The following CNTLN variants were observed in gnomAD, a reference collection of about 807,000 sequenced individuals.
The protein encoded by CNTLN is centlein, centrosomal protein.
A neutral mutation model predicts 180.0 loss-of-function variants in CNTLN; 212 were observed. The observed-to-expected ratio is 1.18, with a 90% CI of 1.05 to 1.32. The LOEUF (loss-of-function observed/expected upper bound fraction) is 1.32. Ranked by LOEUF, CNTLN falls within the 40% of genes most tolerant of loss-of-function variation. The pLI is 0.00. For missense variants in CNTLN, 2,095 were observed against 1,610.9 expected (o/e 1.30, Z -5.14); for synonymous variants, 722 against 563.1 (o/e 1.28, Z -3.99).
At chr9:17,499,823 C>A (rs1212870078) in intron 25 of CNTLN, among the ~76,000 whole-genome samples, 1 of 151,970 alleles carries the variant, frequency 6.6e-6, no homozygotes, top group Non-Finnish European at 1.5e-5. Context: ...TTTTGGAAGA[C>A]CTCTTTGAAA....
At chr9:17,184,085 A>C (rs1233973361) in intron 2 of CNTLN, among the ~76,000 whole-genome samples, 3 of 152,150 alleles carry the variant, frequency 2.0e-5, no homozygotes, top group Non-Finnish European at 4.4e-5. Flanking sequence ...ATAATCTGAA[A>C]TGTTCATCCC....
At chr9:17,328,630 C>T (rs983672894) in intron 8 of CNTLN, among the ~76,000 whole-genome samples, 1 of 152,136 alleles carries the variant, frequency 6.6e-6, no homozygotes, top group Non-Finnish European at 1.5e-5. Context: ...ACAAACCAGA[C>T]TTAAAGAAAA....
At chr9:17,391,909 G>C (rs1278402955) in intron 14 of CNTLN, among the ~76,000 whole-genome samples, 1 of 152,042 alleles carries the variant, frequency 6.6e-6, no homozygotes. Context: ...TCACAGATGA[G>C]GAAACTAAAG....
chr9:17,428,027 T>A (rs1829200013), intron 18 of CNTLN, among the ~76,000 whole-genome samples: 1 of 152,066 alleles, frequency 6.6e-6, no homozygotes, highest in South Asian at 2.1e-4. Context: ...AGTAAAATAA[T>A]TAAAGATTAC....
At position 17,502,610 on chromosome 9, in the gene CNTLN, A is replaced by G; in HGVS notation, c.4179A>G (p.Lys1393=). The G allele has an allele frequency of 4.3e-6, 6 of 1,405,148 alleles. No individual in the cohort carries two copies. The highest frequency in any genetic ancestry group is 5.9e-6 in the Non-Finnish European group (6 of 1,025,578). The allele number at this position is 1,405,148 out of a possible 1,614,324, so 87.0% of individuals were successfully genotyped here. A position where few individuals can be genotyped will look rare whatever the true frequency, so the allele number is the denominator to read the frequency against. Residue 1393 remains lysine, a synonymous_variant, in exon 26 of 26, where the codon AAA becomes AAG. Coordinates refer to ENST00000380647, the MANE Select transcript of CNTLN (RefSeq NM_017738.4). ...TGGAAAAAATAAATGAAAAAAAGAA[A>G]CTAGTTGAAGGATATTTCACAATTA... ...AVLEKINEKK[K]LVEGYFTIMK...
chr9:17,514,132 A>T, the CNTLN span, among the ~76,000 whole-genome samples: 1 of 136,746 alleles, frequency 7.3e-6, no homozygotes, highest in Non-Finnish European at 1.5e-5. Flanking sequence ...ACATAGTGAG[A>T]CCCCATTTCT....
chr9:17,300,613 A>C (rs1037209400), intron 7 of CNTLN: 1 of 152,196 alleles, frequency 6.6e-6, no homozygotes, highest in Admixed American at 6.5e-5. Flanking sequence ...GCCTTTTGAC[A>C]TAGGTGCCAG....
chr9:17,416,313 C>A, intron 18 of CNTLN, 124 bp downstream of exon 18: 1 of 721,126 alleles, frequency 1.4e-6, no homozygotes, highest in Non-Finnish European at 2.2e-6. Context: ...AAATCCCAGG[C>A]ACTGTTTACT....
At chr9:17,353,008 G>A (rs1564020642) in intron 12 of CNTLN, among the ~76,000 whole-genome samples, 2 of 152,194 alleles carry the variant, frequency 1.3e-5, no homozygotes, top group Non-Finnish European at 2.9e-5. Flanking sequence ...TCTGAATAGT[G>A]CTGCTATGAA....
intron 3 of CNTLN, 144 bp downstream of exon 3, chr9:17,226,431 G>A: frequency 2.1e-6 from 1 of 465,692 alleles, no homozygotes; most frequent in Non-Finnish European, 3.8e-6. Flanking sequence ...GAAGTCACTA[G>A]TAAGATTATT....
At chr9:17,414,500 A>C (rs1828081199) in intron 16 of CNTLN, among the ~76,000 whole-genome samples, 1 of 152,168 alleles carries the variant, frequency 6.6e-6, no homozygotes, top group South Asian at 2.1e-4. Flanking sequence ...CTGATACTTA[A>C]ATACTAATTA....
intron 13 of CNTLN, among the ~76,000 whole-genome samples, chr9:17,381,995 T>A (rs1028133760): frequency 6.6e-6 from 1 of 152,164 alleles, no homozygotes; most frequent in Non-Finnish European, 1.5e-5. Flanking sequence ...AACTCAACAT[T>A]AATGGAGCAG....
At chr9:17,470,273 C>T (rs1831984066) in intron 23 of CNTLN, among the ~76,000 whole-genome samples, 1 of 151,798 alleles carries the variant, frequency 6.6e-6, no homozygotes, top group Admixed American at 6.6e-5. Flanking sequence ...ACTCTGTGAA[C>T]AGTGAGAACT....
chr9:17,449,864 G>A (rs79323854), intron 18 of CNTLN, among the ~76,000 whole-genome samples: 2,731 of 152,266 alleles, frequency 0.018, 85 homozygotes, highest in African/African-American at 0.062. Flanking sequence ...TAAATTAAAA[G>A]TACTTGTTAA....
intron 18 of CNTLN, among the ~76,000 whole-genome samples, chr9:17,434,204 A>G (rs762837112): frequency 6.6e-6 from 1 of 151,850 alleles, no homozygotes; most frequent in Non-Finnish European, 1.5e-5. Flanking sequence ...TTTTTGTTTC[A>G]TTGATTTTCT....
intron 1 of CNTLN, among the ~76,000 whole-genome samples, chr9:17,136,860 T>G (rs1244537341): frequency 6.6e-6 from 1 of 152,192 alleles, no homozygotes; most frequent in Non-Finnish European, 1.5e-5. Flanking sequence ...CCTCACCCTT[T>G]GGGGAGTTTT....
At position 17,135,351 on chromosome 9, in the gene CNTLN, G is replaced by C; in HGVS notation, c.286G>C (p.Glu96Gln). 3 of 1,601,330 alleles carry C rather than the reference G, an allele frequency of 1.9e-6. No individual in the cohort carries two copies. The highest frequency in any genetic ancestry group is 2.6e-6 in the Non-Finnish European group (3 of 1,174,842). Residue 96 changes from glutamate to glutamine, a missense_variant, in exon 1 of 26, where the codon GAG (glutamate) becomes CAG (glutamine). Transcript: ENST00000380647. The part of the protein sequence containing the change: ...SRRLEGISVE[E>Q]AMVTRTQLLE... ...ACGGCTAGAGGGCATCTCGGTAGAG[G>C]AGGCGATGGTGACCCGGACGCAGCT... is the stretch of plus-strand genomic sequence containing the variant.
At chr9:17,437,008 T>C (rs146632346) in intron 18 of CNTLN, among the ~76,000 whole-genome samples, 1 of 152,206 alleles carries the variant, frequency 6.6e-6, no homozygotes, top group Non-Finnish European at 1.5e-5. Flanking sequence ...ATTTTGAGGC[T>C]GATGAAACAC....
rs928075758 is a variant in CNTLN, at chr9:17,240,410, T to C, written c.849+3822T>C. 3.3e-5 allele frequency among the ~76,000 whole-genome samples: 5 copies of C among 152,120 alleles called. No homozygotes were observed. In the South Asian group the frequency reaches 8.3e-4, roughly 25 times the overall value. ...ATATCATGACAGCTGCAAGTAGACA[T>C]AGTTTCACTTCTTCCTTTCTAATCT... On this transcript the variant is annotated intron_variant, in intron 5 of 25. Transcript: ENST00000380647.
Sources: allele counts gnomAD v4.1 joint callset (sites outside exome capture counted in the v4.1 genomes callset), GRCh38; gene constraint gnomAD v4.1.1; transcripts MANE v1.5; gene names NCBI Gene and HGNC (gene_info 2026-07-23, HGNC 2026-07-21).